Variants in PTK7 observed in about 807,000 individuals in gnomAD.
The protein encoded by PTK7 is protein tyrosine kinase 7 (inactive).
A neutral mutation model predicts 116.6 loss-of-function variants in PTK7; 39 were observed. The observed-to-expected ratio is 0.33, with a 90% CI of 0.26 to 0.44. PTK7 has a LOEUF of 0.44. PTK7 is among the 20% of genes least tolerant of loss of function. The pLI is 1.00. For synonymous variants in PTK7, 546 were observed against 563.6 expected (o/e 0.97, Z 0.44); for missense variants, 1,169 against 1,425.6 (o/e 0.82, Z 2.90).
chr6:43,108,360 G>T (rs1768010274), intron 1 of PTK7, among the ~76,000 whole-genome samples: 1 of 150,810 alleles, frequency 6.6e-6, no homozygotes, highest in Non-Finnish European at 1.5e-5. Flanking sequence ...TTCCCAAAGT[G>T]CTGGGATTAT....
intron 1 of PTK7, among the ~76,000 whole-genome samples, chr6:43,088,881 T>A (rs1004500033): frequency 1.3e-5 from 2 of 152,078 alleles, no homozygotes; most frequent in African/African-American, 4.8e-5. Context: ...GGCCCTGGCT[T>A]GTAGGTGCAT....
chr6:43,118,179 C>T (rs1281456652), intron 1 of PTK7, among the ~76,000 whole-genome samples: 1 of 149,374 alleles, frequency 6.7e-6, no homozygotes, highest in African/African-American at 2.5e-5. Context: ...CCACCTATGG[C>T]CCCTGAGCAC....
chr6:43,148,764 C>A (rs953339300), intron 17 of PTK7, among the ~76,000 whole-genome samples: 6 of 89,416 alleles, frequency 6.7e-5, no homozygotes, highest in Non-Finnish European at 2.0e-5. Context: ...AGAGAGGATG[C>A]TTTTAAAAAA....
chr6:43,076,439 G>C lies in PTK7; in HGVS notation c.-50G>C, dbSNP rs572198247. 6.3e-5 allele frequency: 91 copies of C among 1,455,972 alleles called. No homozygotes were observed. In the African/African-American group the frequency reaches 1.2e-3, roughly 19 times the overall value. The allele number at this position is 1,455,972 out of a possible 1,614,324, so 90.2% of individuals were successfully genotyped here. A position where few individuals can be genotyped will look rare whatever the true frequency, so the allele number is the denominator to read the frequency against. On this transcript the variant is annotated 5_prime_UTR_variant, in exon 1 of 20. Coordinates refer to ENST00000230419, the MANE Select transcript of PTK7 (RefSeq NM_002821.5). This position sits in a 1 kb window ranked among gnomAD's most constrained non-coding sequence, Gnocchi z 5.7. Reference sequence around the variant, plus strand: ...CCTCCTGTGCCCGCCGCGGAGCGCAGTCTGCGCGCCCGCCGTGCGCCCTCA... The same window carrying C: ...CCTCCTGTGCCCGCCGCGGAGCGCACTCTGCGCGCCCGCCGTGCGCCCTCA...
rs988671130 is a variant in PTK7, at chr6:43,110,514, C to T, written c.80-18463C>T. Among the ~76,000 whole-genome samples, 18 of 151,098 alleles carry T rather than the reference C, an allele frequency of 1.2e-4. 1 individual carries two copies. The highest frequency in any genetic ancestry group is 1.8e-4 in the Non-Finnish European group (12 of 67,790). On this transcript the variant is annotated intron_variant, in intron 1 of 19. Coordinates refer to ENST00000230419, the MANE Select transcript of PTK7 (RefSeq NM_002821.5). The stretch of plus-strand genomic sequence containing the variant: ...TGCAACCTCCGCCTCTGGGTTCAAG[C>T]GATTCTCTTGCCTCAGCCTCCCAAG...
intron 1 of PTK7, among the ~76,000 whole-genome samples, chr6:43,128,233 GC>G (rs1169859521): frequency 1.3e-5 from 2 of 152,218 alleles, no homozygotes; most frequent in Non-Finnish European, 1.5e-5. Context: ...AGTGTCCCCG[GC>G]TCCTCAGCCT....
intron 1 of PTK7, among the ~76,000 whole-genome samples, chr6:43,086,110 G>A (rs867556480): frequency 3.9e-5 from 6 of 152,180 alleles, no homozygotes; most frequent in Non-Finnish European, 7.3e-5. Context: ...GGGGTGGGTT[G>A]GTGCTGGTTC....
chr6:43,142,204 TC>T lies in PTK7; in HGVS notation c.1954del (p.His652MetfsTer50). On this transcript the variant is annotated frameshift_variant, in exon 13 of 20. Coordinates refer to ENST00000230419, the MANE Select transcript of PTK7 (RefSeq NM_002821.5). LOFTEE classifies it high-confidence loss of function. Reference protein sequence around the residue: ...MHIFQNGSLVIHDVAPEDSGR... With the variant: ...MHIFQNGSLVXHDVAPEDSGR... Reference sequence around the variant, plus strand: ...ATCTTCCAGAATGGCTCCCTGGTGATCCATGACGTGGCCCCTGAGGACTCAG... The same window carrying T: ...ATCTTCCAGAATGGCTCCCTGGTGATCATGACGTGGCCCCTGAGGACTCAG... 1.2e-6 allele frequency: 2 copies of T among 1,614,090 alleles called. No individual in the cohort carries two copies. Among genetic ancestry groups the T allele is most frequent in the Non-Finnish European group, 1.7e-6 (2 of 1,180,010 alleles).
intron 7 of PTK7, 171 bp downstream of exon 7, chr6:43,132,858 C>T (rs1409121513): frequency 2.8e-5 from 26 of 938,460 alleles, no homozygotes; most frequent in Admixed American, 2.6e-4. Flanking sequence ...GAGCCAGGCA[C>T]AGGGGTTAGG....
chr6:43,082,560 G>T (rs1766438337), intron 1 of PTK7, among the ~76,000 whole-genome samples: 1 of 152,176 alleles, frequency 6.6e-6, no homozygotes, highest in African/African-American at 2.4e-5. Flanking sequence ...TCTTTATACA[G>T]AATCTCAAGG....
At chr6:43,117,353 G>C (rs148347269) in intron 1 of PTK7, among the ~76,000 whole-genome samples, 178 of 152,294 alleles carry the variant, frequency 1.2e-3, no homozygotes, top group African/African-American at 4.0e-3. Flanking sequence ...ATACCTGCCC[G>C]TGGAACACCA....
intron 16 of PTK7, among the ~76,000 whole-genome samples, 193 bp from the exon 17 acceptor site, chr6:43,146,425 C>G (rs552227898): frequency 1.3e-5 from 2 of 152,116 alleles, no homozygotes; most frequent in South Asian, 4.1e-4. Flanking sequence ...GAGACAGCCT[C>G]TAGGAGGCGT....
intron 1 of PTK7, among the ~76,000 whole-genome samples, chr6:43,101,609 A>AT (rs1046883343): frequency 1.3e-5 from 2 of 152,126 alleles, no homozygotes; most frequent in Non-Finnish European, 2.9e-5. Context: ...TTGAGGGAAA[A>AT]TTTTGAAAAA....
rs1014847977 is a variant in PTK7 at position 43,156,767 on chromosome 6, G to A, written c.2722-2050G>A. ...AAAAATTAGCTAGGCGTGGTAGTGC[G>A]CGCCTGTAATCCCAGCTACTTGGGA... On this transcript the variant is annotated intron_variant, in intron 17 of 19. Transcript: ENST00000230419. Among the ~76,000 whole-genome samples, 33 of 151,928 alleles carry A rather than the reference G, an allele frequency of 2.2e-4. 1 individual carries two copies. Among genetic ancestry groups the A allele is most frequent in the Admixed American group, 7.9e-4 (12 of 15,250 alleles).
chr6:43,161,314 A>G lies in PTK7; in HGVS notation c.*433A>G. The G allele has an allele frequency of 5.5e-6, 1 of 180,930 alleles. No homozygotes were observed. The highest frequency in any genetic ancestry group is 1.2e-5 in the Non-Finnish European group (1 of 84,698). 11.2% of individuals were successfully genotyped at this position (180,930 alleles called of 1,614,324 possible). On this transcript the variant is annotated 3_prime_UTR_variant, in exon 20 of 20. Coordinates refer to ENST00000230419, the MANE Select transcript of PTK7 (RefSeq NM_002821.5). ...AAGTTCTGGGCACACAGGGTTAATG[A>G]GTCTCTTGGCCCACTGGTCCCACTT...
At chr6:43,122,193 G>A (rs1435741085) in intron 1 of PTK7, among the ~76,000 whole-genome samples, 1 of 152,214 alleles carries the variant, frequency 6.6e-6, no homozygotes, top group Non-Finnish European at 1.5e-5. Flanking sequence ...TGGCTCAAGA[G>A]CAGTCCAGAG....
intron 1 of PTK7, among the ~76,000 whole-genome samples, chr6:43,125,898 G>T (rs929992644): frequency 6.6e-6 from 1 of 152,068 alleles, no homozygotes; most frequent in African/African-American, 2.4e-5. Context: ...CCTCTGTGTG[G>T]GTGAGACTCC....
intron 1 of PTK7, among the ~76,000 whole-genome samples, chr6:43,106,526 ATC>A (rs1491009935): frequency 1.3e-5 from 2 of 150,866 alleles, no homozygotes; most frequent in Non-Finnish European, 3.0e-5. Context: ...GCCTCAAGTG[ATC>A]TCTCCACCTC....
chr6:43,096,913 G>A (rs955663843), intron 1 of PTK7, among the ~76,000 whole-genome samples: 1 of 85,408 alleles, frequency 1.2e-5, no homozygotes, highest in African/African-American at 5.4e-5. Flanking sequence ...CAGTTTGCTG[G>A]GGGCCTGGAG....
Sources: allele counts gnomAD v4.1 joint callset (sites outside exome capture counted in the v4.1 genomes callset), GRCh38; gene constraint gnomAD v4.1.1; non-coding constraint Gnocchi (gnomAD v3.1); transcripts MANE v1.5; gene names NCBI Gene and HGNC (gene_info 2026-07-23, HGNC 2026-07-21).